The following SINHCAF variants were observed in gnomAD, a reference collection of about 807,000 sequenced individuals.
SINHCAF encodes SIN3-HDAC complex-associated factor.
In SINHCAF, 3 loss-of-function variants were observed where a neutral mutation model predicts 25.8. The ratio of observed to expected loss-of-function variants is 0.12; its 90% CI spans 0.05 to 0.30. The LOEUF (loss-of-function observed/expected upper bound fraction) is 0.30. Ranked by LOEUF, SINHCAF falls within the 10% of genes least tolerant of loss-of-function variation. The pLI is 1.00. For missense variants in SINHCAF, 121 were observed against 262.3 expected, an observed-to-expected ratio of 0.46 and a Z score of 3.72; for synonymous variants, 70 against 85.5, an observed-to-expected ratio of 0.82 and a Z score of 1.00.
intron 5 of SINHCAF, among the ~76,000 whole-genome samples, chr12:31,287,148 C>A (rs1355361212): frequency 6.6e-6 from 1 of 152,062 alleles, no homozygotes; most frequent in East Asian, 1.9e-4. Flanking sequence ...AGCAACATGT[C>A]TTTTTTCTAG....
chr12:31,308,451 C>T (rs1939124396), intron 1 of SINHCAF, among the ~76,000 whole-genome samples: 1 of 152,176 alleles, frequency 6.6e-6, no homozygotes, highest in South Asian at 2.1e-4. Context: ...TCCTTTGATT[C>T]TATCAGGATT....
At chr12:31,285,068 C>T (rs1937978579) in intron 5 of SINHCAF, among the ~76,000 whole-genome samples, 1 of 151,960 alleles carries the variant, frequency 6.6e-6, no homozygotes, top group Non-Finnish European at 1.5e-5. Flanking sequence ...TGTGCTATAC[C>T]TCTCAATTTA....
intron 1 of SINHCAF, chr12:31,305,033 A>C (rs1166248925): frequency 1.3e-5 from 2 of 152,246 alleles, no homozygotes; most frequent in African/African-American, 4.8e-5. Context: ...GATGTTGTCA[A>C]CTTCTCGTCC....
At chr12:31,286,925 GTTTGTTT>G (rs1356172577) in intron 5 of SINHCAF, among the ~76,000 whole-genome samples, 5 of 152,190 alleles carry the variant, frequency 3.3e-5, no homozygotes, top group African/African-American at 1.2e-4. Flanking sequence ...TTGTTTGTTT[GTTTGTTT>G]TTTTAAATAG....
At chr12:31,315,258 G>A (rs146522927) in intron 1 of SINHCAF, among the ~76,000 whole-genome samples, 2 of 151,096 alleles carry the variant, frequency 1.3e-5, no homozygotes, top group East Asian at 1.9e-4. Context: ...GTGGGTAGAA[G>A]AGAAAAGTTA....
chr12:31,286,135 G>C (rs1368672671), intron 5 of SINHCAF, among the ~76,000 whole-genome samples: 1 of 152,144 alleles, frequency 6.6e-6, no homozygotes, highest in Non-Finnish European at 1.5e-5. Flanking sequence ...AATAGAAATG[G>C]TGATAGTCAA....
At position 31,280,697 on chromosome 12, in the gene SINHCAF, A is replaced by C. The variant is rs1937755414; in HGVS notation, c.*2015T>G. 6.6e-6 allele frequency: 1 copy of C among 152,568 alleles called. No individual in the cohort carries two copies. The allele number at this position is 152,568 out of a possible 1,614,324, so 9.5% of individuals were successfully genotyped here. On this transcript the variant is annotated 3_prime_UTR_variant, in exon 6 of 6. Transcript: ENST00000337682. Reference sequence around the variant, plus strand: ...ATCTGTAGATTTCTAATATATTAATACAAAGTGCATGACTACATACAGTAC... The same window carrying C: ...ATCTGTAGATTTCTAATATATTAATCCAAAGTGCATGACTACATACAGTAC...
At chr12:31,320,755 CTT>C (rs1410181861) in intron 1 of SINHCAF, among the ~76,000 whole-genome samples, 1 of 151,802 alleles carries the variant, frequency 6.6e-6, no homozygotes, top group Non-Finnish European at 1.5e-5. Flanking sequence ...GGTCTATAGA[CTT>C]TTGCAGGAAA....
At position 31,324,700 on chromosome 12, in the gene SINHCAF, G is replaced by C; in HGVS notation, c.-21+1324C>G. On this transcript the variant is annotated intron_variant, in intron 1 of 5. Transcript: ENST00000337682. This position sits in a 1 kb window ranked among gnomAD's most constrained non-coding sequence, Gnocchi z 5.5. The stretch of plus-strand genomic sequence containing the variant: ...GCTGCCTACGTGCAGCATCAGGGAT[G>C]TCGGAGCGTTTCGCAGGGGCCGGAC... The C allele has an allele frequency of 3.0e-6, 1 of 338,624 alleles. No individual in the cohort carries two copies. Among genetic ancestry groups the C allele is most frequent in the South Asian group, 2.2e-5 (1 of 45,398 alleles). 21.0% of individuals were successfully genotyped at this position (338,624 alleles called of 1,614,324 possible). A position where few individuals can be genotyped will look rare whatever the true frequency, so the allele number is the denominator to read the frequency against.
chr12:31,323,981 G>C, intron 1 of SINHCAF: 1 of 455,984 alleles, frequency 2.2e-6, no homozygotes, highest in South Asian at 1.5e-5. Context: ...GCACTCCGGT[G>C]ACTGCCGAGA....
rs201405787 is a variant in SINHCAF, at chr12:31,298,214, T to C, written c.-10A>G. On this transcript the variant is annotated 5_prime_UTR_variant, in exon 2 of 6. Coordinates refer to ENST00000337682, the MANE Select transcript of SINHCAF (RefSeq NM_001135812.2). ...TGTGAAAACCAAACATCTTTTCTTCTGGGCAATAGTCTGTAAAGCCAAGGG... is the reference window on the plus strand; with the variant it reads ...TGTGAAAACCAAACATCTTTTCTTCCGGGCAATAGTCTGTAAAGCCAAGGG... The C allele has an allele frequency of 2.0e-5, 33 of 1,613,952 alleles. No individual in the cohort carries two copies. The highest frequency in any genetic ancestry group is 2.6e-5 in the Non-Finnish European group (31 of 1,179,988).
intron 5 of SINHCAF, among the ~76,000 whole-genome samples, chr12:31,287,270 C>T (rs1938120167): frequency 6.6e-6 from 1 of 152,054 alleles, no homozygotes; most frequent in Non-Finnish European, 1.5e-5. Flanking sequence ...TTTTCTCTTT[C>T]CTAAAATTGC....
At chr12:31,288,653 C>T (rs1938178754) in intron 4 of SINHCAF, among the ~76,000 whole-genome samples, 1 of 152,004 alleles carries the variant, frequency 6.6e-6, no homozygotes, top group South Asian at 2.1e-4. Context: ...GTGGTGAGGC[C>T]CCTCCCTCTT....
At chr12:31,292,275 G>A (rs1028322616) in intron 4 of SINHCAF, among the ~76,000 whole-genome samples, 10 of 152,156 alleles carry the variant, frequency 6.6e-5, no homozygotes, top group Admixed American at 5.9e-4. Context: ...GCCGAGGTGG[G>A]TGGATTGCTT....
Position 31,282,866 on chromosome 12 carries a change from TTCTG to T in SINHCAF, c.508_511del (p.Gln170ArgfsTer53). 1 of 1,590,296 alleles carries T rather than the reference TTCTG, an allele frequency of 6.3e-7. No homozygotes were observed. Among genetic ancestry groups the T allele is most frequent in the Non-Finnish European group, 8.5e-7 (1 of 1,172,928 alleles). On this transcript the variant is annotated frameshift_variant and splice_region_variant, in exon 6 of 6. Coordinates refer to ENST00000337682, the MANE Select transcript of SINHCAF (RefSeq NM_001135812.2). LOFTEE classifies it high-confidence loss of function. ...TTTATAGATGATCCCACAACATATC[TTCTG>T]TCTAAAAGAAAAAATGGAGAACAAG... is the stretch of plus-strand genomic sequence containing the variant.
chr12:31,310,272 T>G lies in SINHCAF; in HGVS notation c.-20-12048A>C, dbSNP rs549674705. On this transcript the variant is annotated intron_variant, in intron 1 of 5. Coordinates refer to ENST00000337682, the MANE Select transcript of SINHCAF (RefSeq NM_001135812.2). The stretch of plus-strand genomic sequence containing the variant: ...CACCATGTTAACTTTTTCATTCCTC[T>G]GAGAAATGGGGTTTTCAAGTAAGGT... Among the ~76,000 whole-genome samples the G allele has an allele frequency of 9.0e-4, 137 of 152,316 alleles. 2 individuals are homozygous for G. The highest frequency in any genetic ancestry group is 6.2e-3 in the Admixed American group (95 of 15,298).
chr12:31,286,230 A>C (rs1223115245), intron 5 of SINHCAF, among the ~76,000 whole-genome samples: 1 of 152,104 alleles, frequency 6.6e-6, no homozygotes, highest in Non-Finnish European at 1.5e-5. Flanking sequence ...TTTTTGTAAG[A>C]TACCTGTTGT....
intron 3 of SINHCAF, among the ~76,000 whole-genome samples, chr12:31,295,014 G>A (rs1363799181): frequency 3.3e-5 from 5 of 152,072 alleles, no homozygotes; most frequent in Admixed American, 1.3e-4. Flanking sequence ...CTCCAGAAGG[G>A]GGATATTGGA....
chr12:31,296,354 C>G (rs1938548526), intron 2 of SINHCAF, among the ~76,000 whole-genome samples: 1 of 151,956 alleles, frequency 6.6e-6, no homozygotes, highest in Non-Finnish European at 1.5e-5. Context: ...TTTGTAGAGA[C>G]AGGGTTTTGC....
Sources: gnomAD v4.1 joint callset for allele counts (sites outside exome capture counted in the v4.1 genomes callset) on GRCh38, gnomAD v4.1.1 for gene constraint, Gnocchi (gnomAD v3.1) non-coding constraint, MANE v1.5 for transcripts, NCBI Gene and HGNC (gene_info 2026-07-23, HGNC 2026-07-21) for gene names.